BCL3: variants seen among roughly 807,000 people sequenced by gnomAD.
BCL3 encodes the protein BCL3 transcription coactivator, also known as B-cell lymphoma 3 protein.
BCL3 carries 15 observed loss-of-function variants against 35.7 expected under a neutral mutation model. The ratio of observed to expected loss-of-function variants is 0.42; its 90% CI spans 0.28 to 0.65. The LOEUF is 0.65. BCL3 is among the 30% of genes least tolerant of loss of function. The probability of loss-of-function intolerance (pLI) is 0.22; values close to 1 mark genes in which losing one functional copy is unlikely to be tolerated. For missense variants in BCL3, 565 were observed against 641.7 expected (o/e 0.88, Z 1.29); for synonymous variants, 311 against 284.3 (o/e 1.09, Z -0.95).
In BCL3 at chr19:44,759,647, A is replaced by AGGAGG; in HGVS notation, c.*35_*39dup. 6.5e-7 allele frequency: 1 copy of AGGAGG among 1,542,206 alleles called. No individual in the cohort carries two copies. Among genetic ancestry groups the AGGAGG allele is most frequent in the Non-Finnish European group, 8.7e-7 (1 of 1,147,646 alleles). On this transcript the variant is annotated 3_prime_UTR_variant, in exon 9 of 9. Coordinates refer to ENST00000164227, the MANE Select transcript of BCL3 (RefSeq NM_005178.5). ...TGGGGGGGCAGATCTTGGACTCATG[A>AGGAGG]GGAGGGGCCCCCCTGCCCTGTGGGG... is the stretch of plus-strand genomic sequence containing the variant.
In BCL3 at chr19:44,756,308, C is replaced by G. The variant is rs370832049; in HGVS notation, c.487C>G (p.Arg163Gly). Residue 163 changes from arginine to glycine, a missense_variant, in exon 3 of 9, where the codon CGG (arginine) becomes GGG (glycine). Physicochemically the swap from Arg to Gly is moderately radical, Grantham distance 125. Transcript: ENST00000164227. ...GGTCAACCTCTTCCAGCAGGGGGGC[C>G]GGGAGCTCGACATCTACAACAACCT... ...RLVNLFQQGG[R>G]ELDIYNNLRQ... 1 of 1,540,682 alleles carries G rather than the reference C, an allele frequency of 6.5e-7. No individual in the cohort carries two copies. The highest frequency in any genetic ancestry group is 1.2e-5 in the South Asian group (1 of 81,676).
In BCL3 at chr19:44,756,336, G is replaced by C; in HGVS notation, c.515G>C (p.Arg172Pro). 6.7e-7 allele frequency: 1 copy of C among 1,500,648 alleles called. No individual in the cohort carries two copies. Among genetic ancestry groups the C allele is most frequent in the Non-Finnish European group, 8.9e-7 (1 of 1,118,040 alleles). 93.0% of individuals were successfully genotyped at this position (1,500,648 alleles called of 1,614,324 possible). A position where few individuals can be genotyped will look rare whatever the true frequency, so the allele number is the denominator to read the frequency against. The part of the protein sequence containing the change: ...GRELDIYNNL[R>P]QTPLHLAVIT... ...GAGCTCGACATCTACAACAACCTAC[G>C]GCAGGTGAGGCTCGGTCTGAGGGAG... The change falls in exon 3 of 9, where the codon CGG becomes CCG. Residue 172 changes from arginine to proline, a missense_variant. Around this residue, in one of 5 missense-constraint regions of BCL3, gnomAD observed 267 missense variants for 281.5 expected, o/e 0.95. Transcript: ENST00000164227.
In BCL3 at chr19:44,757,219, A is replaced by G. The variant is rs902695375; in HGVS notation, c.722A>G (p.Asp241Gly). 6.4e-7 allele frequency: 1 copy of G among 1,551,764 alleles called. No homozygotes were observed. The highest frequency in any genetic ancestry group is 1.4e-5 in the African/African-American group (1 of 73,210). ...TTGGACCTGGAGGCCCGCAATTATG[A>G]CGGTAAGCATTTACCGCGGGGCACC... ...GTLDLEARNYDGLTALHVAVN... is the reference protein window; with the variant it reads ...GTLDLEARNYGGLTALHVAVN... Residue 241 changes from aspartate to glycine, a missense_variant and splice_region_variant, in exon 4 of 9, where the codon GAC (aspartate) becomes GGC (glycine). Coordinates refer to ENST00000164227, the MANE Select transcript of BCL3 (RefSeq NM_005178.5). This position sits in a 1 kb window ranked among gnomAD's most constrained non-coding sequence, Gnocchi z 8.4.
In BCL3 at chr19:44,758,266, G is replaced by A. The variant is rs372815971; in HGVS notation, c.912G>A (p.Ala304=). ...LLLQHGANVN[A]QMYSGSSALH... ...CGCAGCACGGCGCCAACGTGAACGC[G>A]CAAATGTACTCCGGCAGCTCCGCCC... is the stretch of plus-strand genomic sequence containing the variant. The change falls in exon 7 of 9, where the codon GCG becomes GCA. Residue 304 remains alanine (A), a synonymous_variant. Transcript: ENST00000164227. 5 of 1,509,614 alleles carry A rather than the reference G, an allele frequency of 3.3e-6. No homozygotes were observed. The highest frequency in any genetic ancestry group is 4.4e-6 in the Non-Finnish European group (5 of 1,138,380). 93.5% of individuals were successfully genotyped at this position (1,509,614 alleles called of 1,614,324 possible).
rs1430824510 is a variant in BCL3 at position 44,757,791 on chromosome 19, C to T, written c.891+68C>T. The T allele has an allele frequency of 2.0e-6, 3 of 1,482,080 alleles. No homozygotes were observed. In the East Asian group the frequency reaches 6.9e-5, roughly 34 times the overall value. 91.8% of individuals were successfully genotyped at this position (1,482,080 alleles called of 1,614,324 possible). ...GACCCCAACCCGGCTCTGGCCTCAG[C>T]CCCTAGCTCTGACCCCGCCTTCCAC... On this transcript the variant is annotated intron_variant, in intron 6 of 8. Coordinates refer to ENST00000164227, the MANE Select transcript of BCL3 (RefSeq NM_005178.5). The surrounding 1 kb of genome is among the most constrained non-coding windows in gnomAD (Gnocchi z 8.4).
chr19:44,759,479 AC>A lies in BCL3; in HGVS notation c.1235del (p.Pro412LeufsTer70), dbSNP rs1371524592. 3 of 1,603,404 alleles carry A rather than the reference AC, an allele frequency of 1.9e-6. No homozygotes were observed. Among genetic ancestry groups the A allele is most frequent in the Non-Finnish European group, 1.7e-6 (2 of 1,175,446 alleles). ...SSSPSQSPPRDPPGFPMAPPN... is the reference protein window; with the variant it reads ...SSSPSQSPPRXPPGFPMAPPN... The stretch of plus-strand genomic sequence containing the variant: ...TCACCCTCCCAGTCTCCCCCCAGGG[AC>A]CCCCCTGGATTCCCCATGGCTCCTC... On this transcript the variant is annotated frameshift_variant, in exon 9 of 9. Transcript: ENST00000164227. LOFTEE classifies it high-confidence loss of function.
rs1039053418 is a variant in BCL3 at position 44,756,600 on chromosome 19, G to A, written c.519+260G>A. ...GGAGGGCTGGGGATCTGGACTCCTG[G>A]GTCTGAGGGAGGAGGGCTGGGGGTC... On this transcript the variant is annotated intron_variant, in intron 3 of 8. Transcript: ENST00000164227. Among the ~76,000 whole-genome samples the A allele has an allele frequency of 9.6e-3, 1,381 of 144,538 alleles. 25 individuals carry two copies. The highest frequency in any genetic ancestry group is 0.045 in the South Asian group (203 of 4,548). 94.8% of individuals were successfully genotyped at this position (144,538 alleles called of 152,430 possible).
chr19:44,751,195 C>A, intron 1 of BCL3, 32 bp from the exon 2 acceptor site: 1 of 1,592,362 alleles, frequency 6.3e-7, no homozygotes, highest in African/African-American at 1.4e-5. Flanking sequence ...TGTGGCCTCA[C>A]CCATGTCCCT....
chr19:44,752,374 AT>A (rs953659837), intron 2 of BCL3, among the ~76,000 whole-genome samples: 23 of 145,306 alleles, frequency 1.6e-4, no homozygotes, highest in African/African-American at 3.3e-4. Flanking sequence ...TAATTTTTGT[AT>A]TTTTTTTTTG....
upstream of BCL3, chr19:44,748,082 G>C: frequency 7.5e-7 from 1 of 1,340,628 alleles, no homozygotes; most frequent in Non-Finnish European, 9.8e-7. Context: ...CCACTAAGGA[G>C]GAAACGGCTC....
chr19:44,758,115 C>T lies in BCL3; in HGVS notation c.892-131C>T, dbSNP rs1967334609. ...GCTTGGCCTGCCCTTGGCTCTCGCTCCTACCTTCCTGTGACCCCACCCCGA... is the reference window on the plus strand; with the variant it reads ...GCTTGGCCTGCCCTTGGCTCTCGCTTCTACCTTCCTGTGACCCCACCCCGA... On this transcript the variant is annotated intron_variant, in intron 6 of 8. Transcript: ENST00000164227. The T allele has an allele frequency of 4.0e-6, 4 of 995,266 alleles. No homozygotes were observed. In the African/African-American group the frequency reaches 6.8e-5, roughly 17 times the overall value. 61.7% of individuals were successfully genotyped at this position (995,266 alleles called of 1,614,324 possible). A position where few individuals can be genotyped will look rare whatever the true frequency, so the allele number is the denominator to read the frequency against.
rs529075140 is a variant in BCL3, at chr19:44,757,253, G to C, written c.724+32G>C. ...ATTTACCGCGGGGCACCGCTGGGCT[G>C]TCCAGCGGACCTGGAGTCCATCAGC... is the stretch of plus-strand genomic sequence containing the variant. On this transcript the variant is annotated intron_variant, in intron 4 of 8. Coordinates refer to ENST00000164227, the MANE Select transcript of BCL3 (RefSeq NM_005178.5). The surrounding 1 kb of genome is among the most constrained non-coding windows in gnomAD (Gnocchi z 8.4). 6.4e-7 allele frequency: 1 copy of C among 1,554,034 alleles called. No homozygotes were observed. Among genetic ancestry groups the C allele is most frequent in the South Asian group, 1.2e-5 (1 of 85,342 alleles).
chr19:44,748,997 C>A lies in BCL3; in HGVS notation c.207C>A (p.Val69=). Residue 69 remains valine (V), a synonymous_variant, in exon 1 of 9, where the codon GTC becomes GTA. Coordinates refer to ENST00000164227, the MANE Select transcript of BCL3 (RefSeq NM_005178.5). ...GCGGCGGCTGCGACCTGCCGGCGGT[C>A]CCCGGGCCCCCCCACGGCCTGGCCC... ...PLRGGCDLPA[V]PGPPHGLARP... 7.2e-7 allele frequency: 1 copy of A among 1,382,506 alleles called. No individual in the cohort carries two copies. The highest frequency in any genetic ancestry group is 3.0e-5 in the Admixed American group (1 of 33,692). The allele number at this position is 1,382,506 out of a possible 1,614,324, so 85.6% of individuals were successfully genotyped here. A position where few individuals can be genotyped will look rare whatever the true frequency, so the allele number is the denominator to read the frequency against.
intron 7 of BCL3, 89 bp downstream of exon 7, chr19:44,758,502 G>A: frequency 4.7e-6 from 7 of 1,474,956 alleles, no homozygotes; most frequent in South Asian, 1.3e-5. Context: ...AGAGGAGTGA[G>A]GGTGTCTGTG....
chr19:44,747,834 C>T, upstream of BCL3: 1 of 1,152,188 alleles, frequency 8.7e-7, no homozygotes, highest in Non-Finnish European at 1.1e-6. Flanking sequence ...CTCTGTGCAC[C>T]TAGGATTTTC....
chr19:44,753,005 T>C (rs1404719610), intron 2 of BCL3, among the ~76,000 whole-genome samples: 2 of 152,192 alleles, frequency 1.3e-5, no homozygotes, highest in African/African-American at 4.8e-5. Context: ...AGTCTCAGTT[T>C]CCCTATTTGG....
chr19:44,747,953 C>T (rs1967096701), upstream of BCL3: 2 of 1,285,964 alleles, frequency 1.6e-6, no homozygotes, highest in South Asian at 2.7e-5. Context: ...CCCCCAGCCC[C>T]TTTAGACCCA....
chr19:44,747,778 C>T (rs1967092937), upstream of BCL3: 1 of 1,064,540 alleles, frequency 9.4e-7, no homozygotes, highest in African/African-American at 1.6e-5. Flanking sequence ...CTCTTGCTAT[C>T]TCTCTTTCTC....
chr19:44,750,545 C>T (rs902517954), intron 1 of BCL3, among the ~76,000 whole-genome samples: 27 of 152,176 alleles, frequency 1.8e-4, no homozygotes, highest in African/African-American at 6.3e-4. Flanking sequence ...GTGATCCGCC[C>T]GCCTCGGCCT....
Sources: allele counts gnomAD v4.1 joint callset (sites outside exome capture counted in the v4.1 genomes callset), GRCh38; gene constraint gnomAD v4.1.1; regional missense constraint gnomAD v4.1.1; non-coding constraint Gnocchi (gnomAD v3.1); transcripts MANE v1.5; gene names NCBI Gene and HGNC (gene_info 2026-07-23, HGNC 2026-07-21).